The following SLC16A10 variants were observed in gnomAD, a reference collection of about 807,000 sequenced individuals.
SLC16A10 encodes monocarboxylate transporter 10.
A neutral mutation model predicts 40.0 loss-of-function variants in SLC16A10; 27 were observed. That is an observed-to-expected ratio of 0.67 (90% CI 0.50 to 0.93). The LOEUF (loss-of-function observed/expected upper bound fraction) is 0.93. SLC16A10 is among the 40% of genes least tolerant of loss of function. The pLI is 0.00. For synonymous variants in SLC16A10, 213 were observed against 249.8 expected, an observed-to-expected ratio of 0.85 and a Z score of 1.39; for missense variants, 529 against 658.2, an observed-to-expected ratio of 0.80 and a Z score of 2.15.
intron 2 of SLC16A10, among the ~76,000 whole-genome samples, chr6:111,176,434 C>CTAAGAAATGTGCAATTAT (rs1414635353): frequency 6.6e-6 from 1 of 152,166 alleles, no homozygotes; most frequent in African/African-American, 2.4e-5. Context: ...CTTTATCTTC[C>CTAAGAAATGTGCAATTAT]TAAGAAATGT....
At chr6:111,136,224 C>T (rs1284071491) in intron 1 of SLC16A10, among the ~76,000 whole-genome samples, 1 of 152,142 alleles carries the variant, frequency 6.6e-6, no homozygotes, top group Non-Finnish European at 1.5e-5. Flanking sequence ...AGCTTGCCAG[C>T]GGGGCAAGAC....
At chr6:111,124,597 G>A (rs1014569759) in intron 1 of SLC16A10, among the ~76,000 whole-genome samples, 2 of 152,084 alleles carry the variant, frequency 1.3e-5, no homozygotes, top group African/African-American at 4.8e-5. Context: ...TCCTGGGCTC[G>A]GGCCATCTGC....
At chr6:111,180,778 G>C (rs971857622) in intron 3 of SLC16A10, among the ~76,000 whole-genome samples, 1 of 152,176 alleles carries the variant, frequency 6.6e-6, no homozygotes, top group African/African-American at 2.4e-5. Flanking sequence ...CTGCACGCCA[G>C]CCTGGGTAAC....
intron 4 of SLC16A10, among the ~76,000 whole-genome samples, chr6:111,217,335 C>T (rs1773442043): frequency 6.6e-6 from 1 of 152,218 alleles, no homozygotes; most frequent in Non-Finnish European, 1.5e-5. Context: ...ATGCTTGGCA[C>T]TTGGTAAACA....
intron 1 of SLC16A10, among the ~76,000 whole-genome samples, chr6:111,102,246 T>C (rs147660954): frequency 2.3e-4 from 35 of 152,340 alleles, no homozygotes; most frequent in African/African-American, 7.9e-4. Flanking sequence ...ATAACACCTG[T>C]TACACATTGC....
intron 1 of SLC16A10, among the ~76,000 whole-genome samples, chr6:111,158,509 C>T (rs1772313277): frequency 6.6e-6 from 1 of 152,100 alleles, no homozygotes; most frequent in South Asian, 2.1e-4. Flanking sequence ...AGGGTTTGTG[C>T]TCCTATGAGA....
chr6:111,173,358 A>C (rs1772622532), intron 2 of SLC16A10: 2 of 152,608 alleles, frequency 1.3e-5, no homozygotes, highest in African/African-American at 4.8e-5. Context: ...TAAAATTTTA[A>C]AATATCATGG....
intron 4 of SLC16A10, among the ~76,000 whole-genome samples, chr6:111,211,450 C>T (rs1238494109): frequency 6.6e-6 from 1 of 152,188 alleles, no homozygotes; most frequent in African/African-American, 2.4e-5. Context: ...TCAAATATTT[C>T]ACTTTAGATG....
chr6:111,120,373 C>CT (rs1562403185), intron 1 of SLC16A10, among the ~76,000 whole-genome samples: 2 of 152,106 alleles, frequency 1.3e-5, no homozygotes, highest in Admixed American at 1.3e-4. Context: ...TTCAAATATA[C>CT]TTTTTTATAG....
At chr6:111,135,951 G>A (rs1388536929) in intron 1 of SLC16A10, among the ~76,000 whole-genome samples, 1 of 152,230 alleles carries the variant, frequency 6.6e-6, no homozygotes, top group Non-Finnish European at 1.5e-5. Context: ...AGGGCCCTCA[G>A]TGAGGAATGT....
chr6:111,208,997 G>A (rs1048748914), intron 4 of SLC16A10, among the ~76,000 whole-genome samples: 3 of 151,876 alleles, frequency 2.0e-5, no homozygotes, highest in Non-Finnish European at 4.4e-5. Flanking sequence ...AGGCCAGTTC[G>A]AGACAATCCT....
At chr6:111,206,822 T>C (rs1243522315) in intron 4 of SLC16A10, 87 bp downstream of exon 4, 1 of 1,488,276 alleles carries the variant, frequency 6.7e-7, no homozygotes, top group African/African-American at 1.4e-5. Flanking sequence ...TTAAATTCTT[T>C]TTTTTTCTTT....
intron 1 of SLC16A10, among the ~76,000 whole-genome samples, chr6:111,136,739 C>T (rs903466489): frequency 2.0e-5 from 3 of 152,116 alleles, no homozygotes; most frequent in African/African-American, 4.8e-5. Flanking sequence ...AAAAGGACTT[C>T]GAAAAGCAGA....
At chr6:111,184,954 C>T (rs1473065376) in intron 3 of SLC16A10, among the ~76,000 whole-genome samples, 2 of 152,186 alleles carry the variant, frequency 1.3e-5, no homozygotes, top group Admixed American at 6.5e-5. Flanking sequence ...TCCATTTACA[C>T]TGTGGTCAGA....
chr6:111,133,438 G>T (rs1415351698), intron 1 of SLC16A10, among the ~76,000 whole-genome samples: 4 of 152,270 alleles, frequency 2.6e-5, no homozygotes, highest in Middle Eastern at 3.4e-3. Context: ...GGACCAATTT[G>T]ACTCTCAGAT....
intron 1 of SLC16A10, among the ~76,000 whole-genome samples, chr6:111,158,699 T>C (rs1437679415): frequency 6.6e-6 from 1 of 152,222 alleles, no homozygotes; most frequent in East Asian, 1.9e-4. Context: ...ATTTACTCGA[T>C]ATTTTAAACA....
rs1773205860 is a variant in SLC16A10 at position 111,203,561 on chromosome 6, A to G, written c.943-3031A>G. On this transcript the variant is annotated intron_variant, in intron 3 of 5. Coordinates refer to ENST00000368851, the MANE Select transcript of SLC16A10 (RefSeq NM_018593.5). The stretch of plus-strand genomic sequence containing the variant: ...ACTTGGTGAAACTTCATCTCTACTA[A>G]AAATACAAAAATTAGCTGGGCGTGG... 1.3e-5 allele frequency among the ~76,000 whole-genome samples: 2 copies of G among 151,860 alleles called. 1 individual carries two copies. The highest frequency in any genetic ancestry group is 3.9e-4 in the East Asian group (2 of 5,174).
At chr6:111,148,320 A>G (rs1772114622) in intron 1 of SLC16A10, among the ~76,000 whole-genome samples, 1 of 152,190 alleles carries the variant, frequency 6.6e-6, no homozygotes, top group African/African-American at 2.4e-5. Context: ...TACGCAGTTT[A>G]TGGTTTTTCT....
intron 3 of SLC16A10, among the ~76,000 whole-genome samples, chr6:111,205,499 G>C (rs572933139): frequency 4.0e-5 from 6 of 151,130 alleles, no homozygotes; most frequent in African/African-American, 1.4e-4. Context: ...TTAAAAAAAA[G>C]AAAGCTAAAA....
Sources: allele counts gnomAD v4.1 joint callset (sites outside exome capture counted in the v4.1 genomes callset), GRCh38; gene constraint gnomAD v4.1.1; transcripts MANE v1.5; gene names NCBI Gene and HGNC (gene_info 2026-07-23, HGNC 2026-07-21).